Variants in ENG observed in about 807,000 individuals in gnomAD.
ENG encodes the protein endoglin, also known as CD105 antigen.
ENG carries 17 observed loss-of-function variants against 71.0 expected under a neutral mutation model. The observed-to-expected ratio is 0.24, with a 90% CI of 0.16 to 0.36. The LOEUF (loss-of-function observed/expected upper bound fraction) is 0.36, where lower values mean the gene tolerates loss of function less well. Ranked by LOEUF, ENG falls within the 10% of genes least tolerant of loss-of-function variation. The pLI is 1.00. For synonymous variants in ENG, 360 were observed against 366.9 expected (o/e 0.98, Z 0.21); for missense variants, 749 against 868.3 (o/e 0.86, Z 1.73).
chr9:127,825,161 T>A, intron 6 of ENG, 70 bp downstream of exon 6: 5 of 1,612,678 alleles, frequency 3.1e-6, no homozygotes, highest in Non-Finnish European at 4.2e-6. Context: ...GGTTCACCTT[T>A]CCAGGAAACT....
rs770307886 is a variant in ENG, at chr9:127,829,748, C to G, written c.299G>C (p.Ser100Thr). 1 of 1,614,058 alleles carries G rather than the reference C, an allele frequency of 6.2e-7. No homozygotes were observed. The highest frequency in any genetic ancestry group is 8.5e-7 in the Non-Finnish European group (1 of 1,180,028). ...TWPREVLLVL[S>T]VNSSVFLHLQ... is the part of the protein sequence containing the mutation. ...ATGCAGGAAGACACTGCTGTTTACA[C>G]TGAGGACCAGAAGCACCTCTCGGGG... is the stretch of plus-strand genomic sequence containing the variant. The change falls in exon 3 of 15, where the codon AGT becomes ACT. Residue 100 changes from serine to threonine, a missense_variant. Coordinates refer to ENST00000373203, the MANE Select transcript of ENG (RefSeq NM_001114753.3).
intron 2 of ENG, among the ~76,000 whole-genome samples, chr9:127,839,881 C>G (rs966887173): frequency 6.6e-5 from 10 of 152,084 alleles, no homozygotes; most frequent in Admixed American, 6.5e-4. Flanking sequence ...GTAGCAATAA[C>G]CATTGAGGTT....
chr9:127,825,793 CCGCCA>C lies in ENG; in HGVS notation c.586_590del (p.Trp196AlafsTer136). Reference sequence around the variant, plus strand: ...CCCGGACCAAGGCTGGAGTACGCGGCCGCCACTCGAGCGTGCGGCCCATGTCCTGG... The same window carrying C: ...CCCGGACCAAGGCTGGAGTACGCGGCCTCGAGCGTGCGGCCCATGTCCTGG... On this transcript the variant is annotated frameshift_variant, in exon 5 of 15. Coordinates refer to ENST00000373203, the MANE Select transcript of ENG (RefSeq NM_001114753.3). LOFTEE classifies it high-confidence loss of function. 1 of 1,595,876 alleles carries C rather than the reference CCGCCA, an allele frequency of 6.3e-7. No individual in the cohort carries two copies.
chr9:127,840,368 G>C (rs937262486), intron 2 of ENG, among the ~76,000 whole-genome samples: 2 of 152,222 alleles, frequency 1.3e-5, no homozygotes, highest in African/African-American at 4.8e-5. Flanking sequence ...GGCCGAGGTG[G>C]GCGGATTATT....
At chr9:127,818,638 G>T (rs921410968) in intron 11 of ENG, 78 bp downstream of exon 11, 1 of 1,511,142 alleles carries the variant, frequency 6.6e-7, no homozygotes, top group Non-Finnish European at 9.2e-7. Flanking sequence ...CATCTCCTCT[G>T]GAGTCATGGT....
chr9:127,844,059 C>G (rs1831114667), intron 1 of ENG, among the ~76,000 whole-genome samples: 2 of 149,820 alleles, frequency 1.3e-5, no homozygotes, highest in Admixed American at 1.3e-4. Context: ...GCGTGAGCCA[C>G]CGTGCCCGGC....
At chr9:127,835,814 T>C (rs925966887) in intron 2 of ENG, among the ~76,000 whole-genome samples, 1 of 152,104 alleles carries the variant, frequency 6.6e-6, no homozygotes, top group Non-Finnish European at 1.5e-5. Flanking sequence ...GGTCATGCTG[T>C]CTGTGAGGGG....
At chr9:127,821,289 G>C (rs1285479716) in intron 8 of ENG, 1 of 151,948 alleles carries the variant, frequency 6.6e-6, no homozygotes. Flanking sequence ...AAATTAGCCA[G>C]GTGTGGTGGC....
chr9:127,826,266 C>CAATA (rs1176055811), intron 4 of ENG, among the ~76,000 whole-genome samples: 8 of 152,200 alleles, frequency 5.3e-5, no homozygotes, highest in Non-Finnish European at 8.8e-5. Context: ...AGTAGATGCA[C>CAATA]AATAGATCGT....
intron 2 of ENG, among the ~76,000 whole-genome samples, chr9:127,835,449 G>A (rs1830878021): frequency 6.6e-6 from 1 of 152,106 alleles, no homozygotes; most frequent in Non-Finnish European, 1.5e-5. Context: ...TCCCAACCTG[G>A]AGGAAAGAAT....
At chr9:127,825,391 G>T (rs752958277) in intron 5 of ENG, 34 bp from the exon 6 acceptor site, 2 of 1,606,260 alleles carry the variant, frequency 1.2e-6, no homozygotes, top group African/African-American at 2.7e-5. Context: ...GAACACTGAA[G>T]CGGACAGGCC....
intron 2 of ENG, among the ~76,000 whole-genome samples, chr9:127,834,696 C>T (rs573405027): frequency 1.3e-5 from 2 of 151,958 alleles, no homozygotes; most frequent in African/African-American, 4.8e-5. Context: ...TGCCACCACG[C>T]CCAGCCTAAT....
chr9:127,825,112 G>A (rs957958415), intron 6 of ENG, 119 bp downstream of exon 6: 62 of 1,595,094 alleles, frequency 3.9e-5, no homozygotes, highest in Middle Eastern at 1.7e-4. Flanking sequence ...CTTCCCTCAC[G>A]TATGGGCATA....
chr9:127,817,885 G>T (rs1377348281), intron 12 of ENG: 2 of 612,444 alleles, frequency 3.3e-6, no homozygotes, highest in Non-Finnish European at 5.7e-6. Flanking sequence ...TGGATGGATA[G>T]ATGGACAGTG....
intron 13 of ENG, chr9:127,816,808 C>G (rs1588573466): frequency 2.4e-6 from 1 of 420,558 alleles, no homozygotes; most frequent in Non-Finnish European, 4.5e-6. Flanking sequence ...CAGCACCCAC[C>G]CTCAAAGGGC....
At chr9:127,830,886 A>G (rs1183047662) in intron 2 of ENG, among the ~76,000 whole-genome samples, 2 of 151,904 alleles carry the variant, frequency 1.3e-5, no homozygotes, top group African/African-American at 4.8e-5. Context: ...TGCTTGTCTT[A>G]CCGTTTTAAA....
chr9:127,837,116 C>G (rs1363267992), intron 2 of ENG, among the ~76,000 whole-genome samples: 1 of 152,182 alleles, frequency 6.6e-6, no homozygotes. Flanking sequence ...CTCTGATTCT[C>G]CCCTTGCACA....
intron 2 of ENG, among the ~76,000 whole-genome samples, chr9:127,841,531 T>C (rs1831032319): frequency 6.6e-6 from 1 of 151,846 alleles, no homozygotes; most frequent in African/African-American, 2.4e-5. Context: ...CCACACAAAG[T>C]GTGTTTGGCA....
intron 1 of ENG, among the ~76,000 whole-genome samples, chr9:127,851,221 C>CT (rs900235425): frequency 1.7e-4 from 25 of 151,186 alleles, no homozygotes; most frequent in East Asian, 5.9e-4. Context: ...CATGCTTGTT[C>CT]TTTTTTTTTC....
Sources: allele counts gnomAD v4.1 joint callset (sites outside exome capture counted in the v4.1 genomes callset), GRCh38; gene constraint gnomAD v4.1.1; transcripts MANE v1.5; gene names NCBI Gene and HGNC (gene_info 2026-07-23, HGNC 2026-07-21).